POLN: variants seen among roughly 807,000 people sequenced by gnomAD.
POLN encodes the protein DNA polymerase nu, also known as DNA polymerase N.
A neutral mutation model predicts 113.5 loss-of-function variants in POLN; 108 were observed. That is an observed-to-expected ratio of 0.95 (90% confidence interval 0.81 to 1.12). POLN has a LOEUF of 1.12. POLN is among the 50% of genes most tolerant of loss of function. POLN has a pLI of 0.00. For synonymous variants in POLN, 386 were observed against 391.5 expected, an observed-to-expected ratio of 0.99 and a Z score of 0.17; for missense variants, 1,097 against 1,077.1, an observed-to-expected ratio of 1.02 and a Z score of -0.26.
chr4:2,075,495 C>T lies in POLN; in HGVS notation c.2412G>A (p.Glu804=). 1 of 1,613,552 alleles carries T rather than the reference C, an allele frequency of 6.2e-7. No individual in the cohort carries two copies. ...TARLVAQIHD[E]LLFEVEDPQI... Reference sequence around the variant, plus strand: ...GCGGATCTTCCACTTCAAACAGCAGCTCATCATGGATCTGGGCCACCAGCC... The same window carrying T: ...GCGGATCTTCCACTTCAAACAGCAGTTCATCATGGATCTGGGCCACCAGCC... Residue 804 remains glutamate (E), a synonymous_variant, in exon 24 of 26, where the codon GAG becomes GAA. Coordinates refer to ENST00000511885, the MANE Select transcript of POLN (RefSeq NM_181808.4).
chr4:2,166,375 G>A (rs921493408), intron 13 of POLN, among the ~76,000 whole-genome samples: 3 of 152,152 alleles, frequency 2.0e-5, no homozygotes, highest in African/African-American at 7.2e-5. Flanking sequence ...GTTCTCTCTG[G>A]ACCACTCAGT....
intron 13 of POLN, among the ~76,000 whole-genome samples, chr4:2,167,861 T>C (rs1354885765): frequency 6.6e-6 from 1 of 152,124 alleles, no homozygotes; most frequent in East Asian, 1.9e-4. Flanking sequence ...ATTACATCAC[T>C]GCACTCCAGC....
intron 4 of POLN, among the ~76,000 whole-genome samples, chr4:2,210,216 G>A (rs113512277): frequency 3.3e-4 from 50 of 151,940 alleles, no homozygotes; most frequent in African/African-American, 1.2e-3. Context: ...AACAAGAAAA[G>A]GAATTCAAGG....
At position 2,089,470 on chromosome 4, in the gene POLN, C is replaced by T. The variant is rs1730618439; in HGVS notation, c.2066-3726G>A. Reference sequence around the variant, plus strand: ...GCTTATATTGTTTTCTTTGTGTTCCCGAAACAGTTCAGTTAGGGATGGACT... The same window carrying T: ...GCTTATATTGTTTTCTTTGTGTTCCTGAAACAGTTCAGTTAGGGATGGACT... On this transcript the variant is annotated intron_variant, in intron 20 of 25. Coordinates refer to ENST00000511885, the MANE Select transcript of POLN (RefSeq NM_181808.4). 2.3e-5 allele frequency: 33 copies of T among 1,407,294 alleles called. 1 individual carries two copies. In the South Asian group the frequency reaches 3.3e-4, roughly 14 times the overall value. The allele number at this position is 1,407,294 out of a possible 1,614,324, so 87.2% of individuals were successfully genotyped here. A position where few individuals can be genotyped will look rare whatever the true frequency, so the allele number is the denominator to read the frequency against.
intron 13 of POLN, among the ~76,000 whole-genome samples, chr4:2,163,336 T>C (rs1381525762): frequency 6.6e-6 from 1 of 152,232 alleles, no homozygotes; most frequent in African/African-American, 2.4e-5. Flanking sequence ...ACTCTCCTTA[T>C]CTTGATGACT....
At chr4:2,161,605 C>A (rs1388184086) in intron 13 of POLN, among the ~76,000 whole-genome samples, 1 of 152,238 alleles carries the variant, frequency 6.6e-6, no homozygotes, top group African/African-American at 2.4e-5. Context: ...CCGCCCCCTG[C>A]TCCATGGCGC....
Position 2,129,228 on chromosome 4 carries a change from G to A in POLN, c.1818C>T (p.Ser606=), listed in dbSNP as rs1388387121. The change falls in exon 18 of 26, where the codon TCC becomes TCT. Residue 606 remains serine (S), a synonymous_variant. Transcript: ENST00000511885. ...TGGATGAAACAAACATGGCCCTCGG[G>A]GAGATCGTGAGAATCTTGTCTTCTT... The part of the protein sequence containing the change: ...KGKEDKILTI[S]PRAMFVSSKG... The A allele has an allele frequency of 1.5e-5, 24 of 1,599,620 alleles. No individual in the cohort carries two copies. Among genetic ancestry groups the A allele is most frequent in the Non-Finnish European group, 2.0e-5 (23 of 1,167,124 alleles).
chr4:2,158,976 T>A (rs1395796880), intron 14 of POLN, among the ~76,000 whole-genome samples, 179 bp downstream of exon 14: 2 of 152,104 alleles, frequency 1.3e-5, no homozygotes, highest in African/African-American at 4.8e-5. Flanking sequence ...CAGACTTCGG[T>A]AAAATCACAT....
chr4:2,174,876 G>A (rs1031590671), intron 9 of POLN, 125 bp from the exon 10 acceptor site: 4 of 648,710 alleles, frequency 6.2e-6, no homozygotes, highest in South Asian at 3.7e-5. Flanking sequence ...AGGTTGGAGT[G>A]CAGTGGCGTG....
chr4:2,203,769 G>A (rs1311256744), intron 5 of POLN, among the ~76,000 whole-genome samples: 1 of 151,938 alleles, frequency 6.6e-6, no homozygotes, highest in Non-Finnish European at 1.5e-5. Flanking sequence ...ACCACGATCA[G>A]AGCAGAACTC....
chr4:2,155,275 T>C (rs955589936), intron 16 of POLN, among the ~76,000 whole-genome samples: 4 of 152,228 alleles, frequency 2.6e-5, no homozygotes, highest in African/African-American at 9.6e-5. Flanking sequence ...ATATTGGTGC[T>C]GGTATTGGTA....
chr4:2,211,704 G>C (rs1733997935), intron 4 of POLN, among the ~76,000 whole-genome samples: 1 of 152,046 alleles, frequency 6.6e-6, no homozygotes, highest in South Asian at 2.1e-4. Context: ...TTGAGTCCAG[G>C]ACTCAATTAA....
At chr4:2,075,619 T>G in intron 23 of POLN, 100 bp from the exon 24 acceptor site, 2 of 1,306,804 alleles carry the variant, frequency 1.5e-6, no homozygotes, top group Non-Finnish European at 1.1e-6. Flanking sequence ...AGGCCAGGAC[T>G]GTGAGGCGGG....
chr4:2,211,669 T>C (rs578033161), intron 4 of POLN, among the ~76,000 whole-genome samples: 21 of 152,036 alleles, frequency 1.4e-4, no homozygotes, highest in African/African-American at 7.2e-5. Flanking sequence ...CTCAGCTACT[T>C]GGGAGGCTGA....
chr4:2,211,147 G>A (rs1446288365), intron 4 of POLN, among the ~76,000 whole-genome samples: 1 of 148,258 alleles, frequency 6.7e-6, no homozygotes, highest in African/African-American at 2.5e-5. Context: ...GCTACTCAGA[G>A]GCTGAGGCAG....
At chr4:2,160,664 C>T (rs1732558178) in intron 13 of POLN, among the ~76,000 whole-genome samples, 1 of 152,196 alleles carries the variant, frequency 6.6e-6, no homozygotes, top group South Asian at 2.1e-4. Context: ...CCGCCTTGGC[C>T]TCCCAAGGTG....
rs114124408 is a variant in POLN, at chr4:2,237,261, T to C, written c.-13+4259A>G. ...GACTTGGCAACATATTGAAGCCCCA[T>C]CTCTACAAATTTTTTTTTTTTTTAA... On this transcript the variant is annotated intron_variant, in intron 2 of 25. Transcript: ENST00000511885. Among the ~76,000 whole-genome samples, 11 of 146,672 alleles carry C rather than the reference T, an allele frequency of 7.5e-5. No individual in the cohort carries two copies. The South Asian group carries it at 2.3e-3, about 31-fold the overall frequency.
intron 19 of POLN, among the ~76,000 whole-genome samples, chr4:2,111,917 C>T (rs539707979): frequency 1.5e-4 from 23 of 151,750 alleles, no homozygotes; most frequent in Non-Finnish European, 2.9e-4. Flanking sequence ...AAATAGAGCC[C>T]GCATTGCCAA....
Position 2,093,548 on chromosome 4 carries a change from TG to T in POLN, c.2065+2302del, listed in dbSNP as rs1483532416. On this transcript the variant is annotated intron_variant, in intron 20 of 25. Coordinates refer to ENST00000511885, the MANE Select transcript of POLN (RefSeq NM_181808.4). This position sits in a 1 kb window ranked among gnomAD's most constrained non-coding sequence, Gnocchi z 4.1. Reference sequence around the variant, plus strand: ...AAGCCCAGGCTGCCGGGCCCAGGACTGGGGAGGTGATGTCCTGCCGGCAGAG... The same window carrying T: ...AAGCCCAGGCTGCCGGGCCCAGGACTGGGAGGTGATGTCCTGCCGGCAGAG... 1.3e-5 allele frequency among the ~76,000 whole-genome samples: 2 copies of T among 152,172 alleles called. No individual in the cohort carries two copies. The highest frequency in any genetic ancestry group is 2.9e-5 in the Non-Finnish European group (2 of 68,030).
Sources: allele counts gnomAD v4.1 joint callset (sites outside exome capture counted in the v4.1 genomes callset), GRCh38; gene constraint gnomAD v4.1.1; non-coding constraint Gnocchi (gnomAD v3.1); transcripts MANE v1.5; gene names NCBI Gene and HGNC (gene_info 2026-07-23, HGNC 2026-07-21).